The following HIPK3 variants were observed in gnomAD, a reference collection of about 807,000 sequenced individuals.
HIPK3 encodes homeodomain-interacting protein kinase 3.
HIPK3 carries 47 observed loss-of-function variants against 124.2 expected under a neutral mutation model. That is an observed-to-expected ratio of 0.38 (90% CI 0.30 to 0.48). The LOEUF (loss-of-function observed/expected upper bound fraction) is 0.48. HIPK3 is among the 20% of genes least tolerant of loss of function. The pLI is 0.98. For synonymous variants in HIPK3, 482 were observed against 515.2 expected, an observed-to-expected ratio of 0.94 and a Z score of 0.87; for missense variants, 1,286 against 1,454.3, an observed-to-expected ratio of 0.88 and a Z score of 1.88.
chr11:33,266,488 A>G (rs111331412), intron 1 of HIPK3, among the ~76,000 whole-genome samples: 1 of 152,326 alleles, frequency 6.6e-6, no homozygotes, highest in African/African-American at 2.4e-5. Context: ...CCTTGAGGCC[A>G]GGAGTCTGAG....
intron 2 of HIPK3, among the ~76,000 whole-genome samples, chr11:33,327,013 T>A (rs972985000): frequency 6.6e-6 from 1 of 152,082 alleles, no homozygotes; most frequent in African/African-American, 2.4e-5. Flanking sequence ...TAAGTAATTA[T>A]AGTCATGGAT....
rs1040401385 is a variant in HIPK3 at position 33,286,326 on chromosome 11, T to C, written c.-2-87T>C. ...ATTTGACCCTTAAGAGTTTTCTTCCTGATATTTAAAATTGAAAAAAAAATT... is the reference window on the plus strand; with the variant it reads ...ATTTGACCCTTAAGAGTTTTCTTCCCGATATTTAAAATTGAAAAAAAAATT... On this transcript the variant is annotated intron_variant, in intron 1 of 16. Transcript: ENST00000303296. 19 of 1,210,926 alleles carry C rather than the reference T, an allele frequency of 1.6e-5. No individual in the cohort carries two copies. The African/African-American group carries it at 1.8e-4, about 12-fold the overall frequency. 75.0% of individuals were successfully genotyped at this position (1,210,926 alleles called of 1,614,324 possible).
In HIPK3 at chr11:33,267,129, T is replaced by G. The variant is rs568409779; in HGVS notation, c.-3+9240T>G. 2.4e-4 allele frequency among the ~76,000 whole-genome samples: 34 copies of G among 144,330 alleles called. No individual in the cohort carries two copies. In the East Asian group the frequency reaches 3.8e-3, roughly 16 times the overall value. 94.7% of individuals were successfully genotyped at this position (144,330 alleles called of 152,430 possible). Reference sequence around the variant, plus strand: ...AGGCGAAAACATTTCCAGCTTTTTGTTTTTTTTTTTTGAGACGGGGTCTTG... The same window carrying G: ...AGGCGAAAACATTTCCAGCTTTTTGGTTTTTTTTTTTGAGACGGGGTCTTG... On this transcript the variant is annotated intron_variant, in intron 1 of 16. Transcript: ENST00000303296.
chr11:33,320,227 G>C (rs1313137045), intron 2 of HIPK3, among the ~76,000 whole-genome samples: 1 of 152,182 alleles, frequency 6.6e-6, no homozygotes, highest in Non-Finnish European at 1.5e-5. Flanking sequence ...AGGGTTTTGA[G>C]GAGAAGAGTG....
chr11:33,349,006 T>C, intron 13 of HIPK3, 141 bp from the exon 14 acceptor site: 1 of 891,256 alleles, frequency 1.1e-6, no homozygotes, highest in Non-Finnish European at 1.7e-6. Context: ...GCATTTTCCT[T>C]GTATCTGTAA....
intron 1 of HIPK3, among the ~76,000 whole-genome samples, chr11:33,274,781 A>G (rs559334387): frequency 6.6e-6 from 1 of 152,224 alleles, no homozygotes; most frequent in African/African-American, 2.4e-5. Flanking sequence ...GGTGATTTCT[A>G]GCAGCTTTGA....
In HIPK3 at chr11:33,353,767, C is replaced by T; in HGVS notation, c.*199C>T. The T allele has an allele frequency of 1.9e-6, 1 of 535,876 alleles. No homozygotes were observed. The highest frequency in any genetic ancestry group is 3.3e-5 in the East Asian group (1 of 30,554). The allele number at this position is 535,876 out of a possible 1,614,324, so 33.2% of individuals were successfully genotyped here. ...TATAACTTGTCTTTGGTCATGTTATCTTCTTATGTAGTAACTCTAGACAGG... is the reference window on the plus strand; with the variant it reads ...TATAACTTGTCTTTGGTCATGTTATTTTCTTATGTAGTAACTCTAGACAGG... On this transcript the variant is annotated 3_prime_UTR_variant, in exon 17 of 17. Transcript: ENST00000303296.
At chr11:33,267,621 G>C (rs570977275) in intron 1 of HIPK3, among the ~76,000 whole-genome samples, 1,556 of 151,220 alleles carry the variant, frequency 0.01, 8 homozygotes, top group Non-Finnish European at 0.015. Flanking sequence ...TTGGCCTCCT[G>C]AGTAGCTGGG....
At chr11:33,318,226 T>A (rs976717760) in intron 2 of HIPK3, among the ~76,000 whole-genome samples, 5 of 151,906 alleles carry the variant, frequency 3.3e-5, no homozygotes, top group African/African-American at 1.2e-4. Context: ...TTTTCTTAAA[T>A]TTTTTTTATT....
rs1853546314 is a variant in HIPK3 at position 33,347,912 on chromosome 11, T to C, written c.2205T>C (p.Asn735=). The change falls in exon 11 of 17, where the codon AAT becomes AAC. Residue 735 remains asparagine, a synonymous_variant. Coordinates refer to ENST00000303296, the MANE Select transcript of HIPK3 (RefSeq NM_005734.5). ...TGATGCCGCAGCCTCTTCTGACCAA[T>C]CAGATAACTTTATCTGCCCCTCAGC... is the stretch of plus-strand genomic sequence containing the variant. The part of the protein sequence containing the change: ...NSVMPQPLLT[N]QITLSAPQPV... The C allele has an allele frequency of 6.2e-7, 1 of 1,614,182 alleles. No individual in the cohort carries two copies. The highest frequency in any genetic ancestry group is 1.3e-5 in the African/African-American group (1 of 75,064).
At chr11:33,282,695 A>T (rs906142980) in intron 1 of HIPK3, among the ~76,000 whole-genome samples, 13 of 151,816 alleles carry the variant, frequency 8.6e-5, no homozygotes, top group African/African-American at 3.1e-4. Flanking sequence ...AAAAAAAATT[A>T]TCTGTGAATT....
intron 2 of HIPK3, among the ~76,000 whole-genome samples, chr11:33,310,840 A>T (rs1852315280): frequency 6.6e-6 from 1 of 152,232 alleles, no homozygotes; most frequent in Non-Finnish European, 1.5e-5. Flanking sequence ...AGGCAGATCA[A>T]GTAGGTAGAT....
intron 2 of HIPK3, among the ~76,000 whole-genome samples, chr11:33,310,563 C>A (rs1750185521): frequency 6.6e-6 from 1 of 152,120 alleles, no homozygotes; most frequent in Non-Finnish European, 1.5e-5. Flanking sequence ...CCCAGCTTGG[C>A]CTCCCAGAGT....
At chr11:33,278,080 T>G (rs185953027) in intron 1 of HIPK3, among the ~76,000 whole-genome samples, 15 of 152,314 alleles carry the variant, frequency 9.8e-5, no homozygotes, top group African/African-American at 2.9e-4. Flanking sequence ...TTGTCATATT[T>G]TCCCTTCTAA....
chr11:33,342,771 C>T (rs1853375418), intron 8 of HIPK3, among the ~76,000 whole-genome samples: 1 of 152,088 alleles, frequency 6.6e-6, no homozygotes, highest in African/African-American at 2.4e-5. Context: ...GTCTTGAACT[C>T]CTGACCTCAG....
intron 7 of HIPK3, among the ~76,000 whole-genome samples, 190 bp from the exon 8 acceptor site, chr11:33,341,373 A>G (rs575790826): frequency 3.3e-5 from 5 of 152,098 alleles, no homozygotes; most frequent in South Asian, 2.1e-4. Context: ...CTATGCCACA[A>G]CTCTACCAAA....
At chr11:33,305,727 C>G (rs1287814586) in intron 2 of HIPK3, among the ~76,000 whole-genome samples, 1 of 152,224 alleles carries the variant, frequency 6.6e-6, no homozygotes, top group African/African-American at 2.4e-5. Context: ...TTGTTAATCA[C>G]CAAATCTGGT....
intron 2 of HIPK3, among the ~76,000 whole-genome samples, chr11:33,310,788 A>T (rs1852313848): frequency 6.6e-6 from 1 of 152,236 alleles, no homozygotes; most frequent in Admixed American, 6.5e-5. Context: ...TAGTGAGTCT[A>T]CATGAAATCT....
intron 2 of HIPK3, among the ~76,000 whole-genome samples, chr11:33,322,669 CACA>C (rs1289381946): frequency 6.6e-6 from 1 of 152,024 alleles, no homozygotes. Flanking sequence ...TTACTAAAAA[CACA>C]AAAATTAGCC....
Sources: gnomAD v4.1 joint callset for allele counts (sites outside exome capture counted in the v4.1 genomes callset) on GRCh38, gnomAD v4.1.1 for gene constraint, MANE v1.5 for transcripts, NCBI Gene and HGNC (gene_info 2026-07-23, HGNC 2026-07-21) for gene names.